The following JMJD1C variants were observed in gnomAD, a reference collection of about 807,000 sequenced individuals.
JMJD1C encodes jumonji domain containing 1C.
JMJD1C carries 31 observed loss-of-function variants against 245.3 expected under a neutral mutation model. That is an observed-to-expected ratio of 0.13 (90% CI 0.09 to 0.17). The LOEUF (loss-of-function observed/expected upper bound fraction) is 0.17. Ranked by LOEUF, JMJD1C falls within the 10% of genes least tolerant of loss-of-function variation. The pLI is 1.00. For missense variants in JMJD1C, 2,691 were observed against 3,000.2 expected (o/e 0.90, Z 2.41); for synonymous variants, 1,057 against 1,017.4 (o/e 1.04, Z -0.74).
At chr10:63,292,362 AAC>A (rs879465539) in intron 2 of JMJD1C, among the ~76,000 whole-genome samples, 4 of 151,994 alleles carry the variant, frequency 2.6e-5, no homozygotes, top group Non-Finnish European at 5.9e-5. Flanking sequence ...CTGAAATCCC[AAC>A]ACTTTGGGGG....
chr10:63,338,686 T>C (rs1835861204), intron 2 of JMJD1C, among the ~76,000 whole-genome samples: 1 of 148,464 alleles, frequency 6.7e-6, no homozygotes, highest in South Asian at 2.1e-4. Flanking sequence ...TTCGCTCTTG[T>C]TACCCAGACT....
rs141034412 is a variant in JMJD1C, at chr10:63,399,912, A to G, written c.169-19430T>C. Among the ~76,000 whole-genome samples the G allele has an allele frequency of 6.8e-4, 103 of 152,106 alleles. 2 individuals are homozygous for G. Among genetic ancestry groups the G allele is most frequent in the African/African-American group, 2.4e-3 (100 of 41,498 alleles). On this transcript the variant is annotated intron_variant, in intron 1 of 25. Coordinates refer to ENST00000399262, the MANE Select transcript of JMJD1C (RefSeq NM_032776.3). Reference sequence around the variant, plus strand: ...CTATACCTGTTCCCTATAATAAATTAGTTTTGGGTTAATTCCATTTTTTAA... The same window carrying G: ...CTATACCTGTTCCCTATAATAAATTGGTTTTGGGTTAATTCCATTTTTTAA...
chr10:63,286,806 T>G (rs1564736349), intron 2 of JMJD1C, among the ~76,000 whole-genome samples: 1 of 152,126 alleles, frequency 6.6e-6, no homozygotes, highest in African/African-American at 2.4e-5. Context: ...TAATGCTGCC[T>G]CCCCAGAATA....
chr10:63,504,063 G>A (rs990310652), intron 1 of JMJD1C, among the ~76,000 whole-genome samples: 3 of 152,150 alleles, frequency 2.0e-5, no homozygotes, highest in African/African-American at 4.8e-5. Context: ...GCTGATTTTG[G>A]TTGAGGTATA....
At chr10:63,194,955 C>T (rs1232044328) in intron 13 of JMJD1C, among the ~76,000 whole-genome samples, 1 of 152,124 alleles carries the variant, frequency 6.6e-6, no homozygotes, top group Non-Finnish European at 1.5e-5. Context: ...CATTTGATAC[C>T]TTGATCTCAA....
chr10:63,198,378 T>C, intron 12 of JMJD1C, 135 bp downstream of exon 12: 1 of 605,210 alleles, frequency 1.7e-6, no homozygotes, highest in Non-Finnish European at 2.9e-6. Flanking sequence ...CTTAAATACA[T>C]ACTGTAAAAA....
chr10:63,511,482 C>G (rs1423412386), intron 1 of JMJD1C, among the ~76,000 whole-genome samples: 2 of 152,146 alleles, frequency 1.3e-5, no homozygotes, highest in African/African-American at 4.8e-5. Flanking sequence ...GAGGCCAAGG[C>G]TGGTGGATCA....
rs938091164 is a variant in JMJD1C, at chr10:63,217,167, C to G, written c.678+40G>C. Reference sequence around the variant, plus strand: ...TTTTGGGGGGCATGGATGATTTGAACTTTTAAAATCTCTATAAAAATATTA... The same window carrying G: ...TTTTGGGGGGCATGGATGATTTGAAGTTTTAAAATCTCTATAAAAATATTA... On this transcript the variant is annotated intron_variant, in intron 5 of 25. Transcript: ENST00000399262. 6.4e-6 allele frequency: 10 copies of G among 1,568,030 alleles called. No homozygotes were observed. In the African/African-American group the frequency reaches 1.4e-4, roughly 21 times the overall value.
rs905661584 is a variant in JMJD1C at position 63,267,852 on chromosome 10, T to C, written c.334-3088A>G. ...GCATTTCTAGTAGGGCCTACCAAACTATAGGAAGAATGCTTAGAACAACTG... is the reference window on the plus strand; with the variant it reads ...GCATTTCTAGTAGGGCCTACCAAACCATAGGAAGAATGCTTAGAACAACTG... On this transcript the variant is annotated intron_variant, in intron 2 of 25. Transcript: ENST00000399262. 8.4e-4 allele frequency among the ~76,000 whole-genome samples: 128 copies of C among 152,134 alleles called. 1 individual carries two copies. The highest frequency in any genetic ancestry group is 2.6e-4 in the Admixed American group (4 of 15,274).
intron 2 of JMJD1C, among the ~76,000 whole-genome samples, chr10:63,288,008 G>C (rs764273297): frequency 1.1e-4 from 17 of 152,228 alleles, no homozygotes; most frequent in Middle Eastern, 3.4e-3. Context: ...GCCTCCCAAA[G>C]AGCTGCGATT....
chr10:63,296,003 G>GTGTGTGTATA (rs1285499198), intron 2 of JMJD1C, among the ~76,000 whole-genome samples: 26 of 95,714 alleles, frequency 2.7e-4, no homozygotes, highest in African/African-American at 7.4e-4. Context: ...GTGTGTGTGT[G>GTGTGTGTATA]TATATATATA....
intron 2 of JMJD1C, chr10:63,301,708 T>C (rs1860098382): frequency 6.7e-6 from 3 of 450,072 alleles, no homozygotes; most frequent in African/African-American, 2.0e-5. Context: ...CTAATGCATA[T>C]GCAGGGATTA....
chr10:63,488,794 G>T (rs897544448), intron 1 of JMJD1C, among the ~76,000 whole-genome samples: 12 of 152,216 alleles, frequency 7.9e-5, no homozygotes, highest in African/African-American at 2.9e-4. Context: ...ATAACCTGCA[G>T]TGGGTGTTGA....
intron 2 of JMJD1C, among the ~76,000 whole-genome samples, chr10:63,282,478 C>A (rs897000121): frequency 2.6e-5 from 4 of 152,148 alleles, no homozygotes; most frequent in African/African-American, 7.2e-5. Flanking sequence ...TACTGATATG[C>A]AACACAGAAA....
At chr10:63,420,711 T>A (rs1289754125) in intron 1 of JMJD1C, among the ~76,000 whole-genome samples, 2 of 88,270 alleles carry the variant, frequency 2.3e-5, no homozygotes, top group Non-Finnish European at 4.2e-5. Flanking sequence ...CGAGACCCAG[T>A]CTCAAAAAAA....
At chr10:63,195,353 C>CAAA (rs56809186) in intron 13 of JMJD1C, among the ~76,000 whole-genome samples, 1 of 109,714 alleles carries the variant, frequency 9.1e-6, no homozygotes, top group Non-Finnish European at 1.8e-5. Context: ...GACACCATCT[C>CAAA]AAAAAAAAAA....
chr10:63,275,463 T>C (rs867705136), intron 2 of JMJD1C, among the ~76,000 whole-genome samples: 1 of 152,162 alleles, frequency 6.6e-6, no homozygotes, highest in African/African-American at 2.4e-5. Flanking sequence ...AAAGGAGAAA[T>C]AAGCAGGATT....
At chr10:63,222,068 C>A (rs755440042) in intron 3 of JMJD1C, 1 of 482,774 alleles carries the variant, frequency 2.1e-6, no homozygotes, top group East Asian at 4.2e-5. Flanking sequence ...TTTCAGATAT[C>A]TCTGACAGCA....
At chr10:63,431,584 T>C (rs1178252765) in intron 1 of JMJD1C, among the ~76,000 whole-genome samples, 1 of 152,218 alleles carries the variant, frequency 6.6e-6, no homozygotes, top group Non-Finnish European at 1.5e-5. Context: ...GACGATAATA[T>C]GACGTAATTC....
Sources: allele counts gnomAD v4.1 joint callset (sites outside exome capture counted in the v4.1 genomes callset), GRCh38; gene constraint gnomAD v4.1.1; transcripts MANE v1.5; gene names NCBI Gene and HGNC (gene_info 2026-07-23, HGNC 2026-07-21).